The following KCNIP4 variants were observed in gnomAD, a reference collection of about 807,000 sequenced individuals.
KCNIP4 encodes Kv channel-interacting protein 4.
Under a neutral mutation model 34.0 loss-of-function variants are expected in KCNIP4, and 12 were observed. The observed-to-expected ratio is 0.35, with a 90% confidence interval of 0.23 to 0.57. The LOEUF (loss-of-function observed/expected upper bound fraction) is 0.57, where lower values mean the gene tolerates loss of function less well. Ranked by LOEUF, KCNIP4 falls within the 20% of genes least tolerant of loss-of-function variation. The pLI, the probability that KCNIP4 is intolerant of heterozygous loss-of-function variation, is 0.83. For missense variants in KCNIP4, 238 were observed against 311.7 expected, an observed-to-expected ratio of 0.76 and a Z score of 1.78; for synonymous variants, 124 against 102.2, an observed-to-expected ratio of 1.21 and a Z score of -1.29.
Position 21,184,139 on chromosome 4 carries a change from C to A in KCNIP4, c.62-301430G>T, listed in dbSNP as rs1357972419. ...TCTATCACTATGCAGGTGACCATGG[C>A]AAGTTACTTAATTTCCCTATGTTTC... On this transcript the variant is annotated intron_variant, in intron 1 of 8. Coordinates refer to ENST00000382152, the MANE Select transcript of KCNIP4 (RefSeq NM_025221.6). 2.0e-5 allele frequency among the ~76,000 whole-genome samples: 3 copies of A among 152,176 alleles called. No individual in the cohort carries two copies. The East Asian group carries it at 5.8e-4, about 29-fold the overall frequency.
chr4:21,933,246 A>T (rs974887834), intron 1 of KCNIP4, among the ~76,000 whole-genome samples: 1 of 152,006 alleles, frequency 6.6e-6, no homozygotes, highest in Non-Finnish European at 1.5e-5. Context: ...TCCCCTGCTT[A>T]AAACCTGTGA....
intron 3 of KCNIP4, among the ~76,000 whole-genome samples, chr4:20,830,555 TCTCAG>T (rs1364559160): frequency 2.6e-5 from 4 of 152,216 alleles, no homozygotes; most frequent in Non-Finnish European, 5.9e-5. Context: ...TATAATTCTG[TCTCAG>T]CTACTAATTA....
intron 1 of KCNIP4, among the ~76,000 whole-genome samples, chr4:21,562,203 A>ATAAACAAT (rs1278144966): frequency 1.4e-5 from 2 of 141,444 alleles, no homozygotes; most frequent in Non-Finnish European, 3.1e-5. Flanking sequence ...TACAAAACAA[A>ATAAACAAT]TAAACCAAAG....
intron 1 of KCNIP4, among the ~76,000 whole-genome samples, chr4:21,932,519 T>C (rs1050926974): frequency 1.3e-5 from 2 of 152,114 alleles, no homozygotes; most frequent in African/African-American, 4.8e-5. Context: ...TGCCGCTCAC[T>C]GGTTTGTTTT....
At chr4:20,912,313 T>A (rs1420120426) in intron 1 of KCNIP4, among the ~76,000 whole-genome samples, 1 of 152,004 alleles carries the variant, frequency 6.6e-6, no homozygotes, top group African/African-American at 2.4e-5. Context: ...ACACAAAAAA[T>A]TAGAGATAAA....
intron 1 of KCNIP4, among the ~76,000 whole-genome samples, chr4:20,961,941 G>C (rs1050382838): frequency 3.3e-5 from 5 of 152,096 alleles, no homozygotes; most frequent in Admixed American, 6.5e-5. Flanking sequence ...ATTATCAAGA[G>C]GTCAGTGATA....
intron 1 of KCNIP4, among the ~76,000 whole-genome samples, chr4:21,054,700 T>G (rs1262048537): frequency 9.4e-6 from 1 of 106,764 alleles, no homozygotes; most frequent in Non-Finnish European, 1.8e-5. Flanking sequence ...ACCTGAATAC[T>G]CACATGCAAA....
chr4:21,873,859 T>C (rs540757894), intron 1 of KCNIP4, among the ~76,000 whole-genome samples: 1 of 152,218 alleles, frequency 6.6e-6, no homozygotes, highest in Non-Finnish European at 1.5e-5. Context: ...AGAGGGCATT[T>C]ATCTTTGAAC....
intron 1 of KCNIP4, among the ~76,000 whole-genome samples, chr4:20,958,932 G>A (rs539539095): frequency 2.6e-5 from 4 of 152,292 alleles, no homozygotes; most frequent in South Asian, 4.1e-4. Context: ...CTGAGACAGC[G>A]CTGGGGATTA....
chr4:21,397,980 C>T (rs1404604759), intron 1 of KCNIP4, among the ~76,000 whole-genome samples: 1 of 152,198 alleles, frequency 6.6e-6, no homozygotes, highest in East Asian at 1.9e-4. Context: ...AACACAGTCA[C>T]ACACACCGTG....
intron 1 of KCNIP4, among the ~76,000 whole-genome samples, chr4:21,708,545 T>C (rs1030467423): frequency 1.3e-5 from 2 of 152,070 alleles, no homozygotes; most frequent in African/African-American, 2.4e-5. Flanking sequence ...AAGCTGAAGA[T>C]GACAAAATTA....
intron 1 of KCNIP4, among the ~76,000 whole-genome samples, chr4:21,942,426 C>G (rs371269121): frequency 2.0e-5 from 3 of 152,186 alleles, no homozygotes; most frequent in African/African-American, 7.2e-5. Flanking sequence ...AGTAACAACA[C>G]CCAAAGATGA....
chr4:21,581,747 ACTTGAAGAACTGCCTC>A (rs1261905876), intron 1 of KCNIP4, among the ~76,000 whole-genome samples: 3 of 151,922 alleles, frequency 2.0e-5, no homozygotes, highest in African/African-American at 7.2e-5. Context: ...ATCACTTCTC[ACTTGAAGAACTGCCTC>A]CTTCAGTCAG....
chr4:20,746,034 C>T (rs1373153171), intron 5 of KCNIP4, among the ~76,000 whole-genome samples: 1 of 152,032 alleles, frequency 6.6e-6, no homozygotes, highest in Non-Finnish European at 1.5e-5. Flanking sequence ...TGGGTATATA[C>T]CTAAAGGATT....
Position 21,011,274 on chromosome 4 carries a change from G to A in KCNIP4, c.62-128565C>T, listed in dbSNP as rs191770301. On this transcript the variant is annotated intron_variant, in intron 1 of 8. Transcript: ENST00000382152. ...TTCCTAGTGGCATTGCAGGAGATCC[G>A]TTTGCAATTTGTGTGACTGACTCAA... is the stretch of plus-strand genomic sequence containing the variant. Among the ~76,000 whole-genome samples, 466 of 152,218 alleles carry A rather than the reference G, an allele frequency of 3.1e-3. 4 individuals carry two copies. The highest frequency in any genetic ancestry group is 0.01 in the African/African-American group (433 of 41,552).
chr4:21,130,591 GA>G (rs1750989555), intron 1 of KCNIP4, among the ~76,000 whole-genome samples: 1 of 152,118 alleles, frequency 6.6e-6, no homozygotes, highest in Non-Finnish European at 1.5e-5. Flanking sequence ...ATAGTGCCTA[GA>G]ATTGTCCATG....
chr4:21,797,099 A>T (rs1003141718), intron 1 of KCNIP4, among the ~76,000 whole-genome samples: 4 of 152,174 alleles, frequency 2.6e-5, no homozygotes, highest in African/African-American at 9.7e-5. Flanking sequence ...AACACTACCC[A>T]CAATTATAGA....
Position 21,508,887 on chromosome 4 carries a change from A to G in KCNIP4, c.61+439684T>C, listed in dbSNP as rs117774270. 3.5e-4 allele frequency among the ~76,000 whole-genome samples: 42 copies of G among 118,600 alleles called. No homozygotes were observed. In the East Asian group the frequency reaches 8.7e-3, roughly 24 times the overall value. The allele number at this position is 118,600 out of a possible 152,430, so 77.8% of individuals were successfully genotyped here. A position where few individuals can be genotyped will look rare whatever the true frequency, so the allele number is the denominator to read the frequency against. On this transcript the variant is annotated intron_variant, in intron 1 of 8. Transcript: ENST00000382152. ...TAAAAACACATTAACTCACTATTTT[A>G]TGCTGCTGTTAGTTGAGCGCTGTTA...
chr4:21,945,021 C>T (rs1730426514), intron 1 of KCNIP4, among the ~76,000 whole-genome samples: 1 of 151,892 alleles, frequency 6.6e-6, no homozygotes, highest in Non-Finnish European at 1.5e-5. Context: ...TTGAAATAGT[C>T]GCTAAGAAGA....
Sources: allele counts gnomAD v4.1 joint callset (sites outside exome capture counted in the v4.1 genomes callset), GRCh38; gene constraint gnomAD v4.1.1; transcripts MANE v1.5; gene names NCBI Gene and HGNC (gene_info 2026-07-23, HGNC 2026-07-21).